Variants in CTDSPL observed in about 807,000 individuals in gnomAD.
The protein encoded by CTDSPL is CTD small phosphatase-like protein.
CTDSPL carries 8 observed loss-of-function variants against 30.5 expected under a neutral mutation model. The ratio of observed to expected loss-of-function variants is 0.26; its 90% CI spans 0.15 to 0.47. The LOEUF is 0.47. Ranked by LOEUF, CTDSPL falls within the 20% of genes least tolerant of loss-of-function variation. CTDSPL has a pLI of 0.99. For synonymous variants in CTDSPL, 110 were observed against 137.9 expected (o/e 0.80, Z 1.42); for missense variants, 248 against 366.1 (o/e 0.68, Z 2.63).
At chr3:37,867,210 A>G (rs1329678536) in intron 1 of CTDSPL, among the ~76,000 whole-genome samples, 2 of 152,178 alleles carry the variant, frequency 1.3e-5, no homozygotes, top group African/African-American at 4.8e-5. Context: ...GGAATCAAAC[A>G]GTATGTGATC....
intron 1 of CTDSPL, among the ~76,000 whole-genome samples, chr3:37,870,706 T>A (rs1038156123): frequency 1.3e-5 from 2 of 152,324 alleles, no homozygotes; most frequent in Admixed American, 6.5e-5. Flanking sequence ...GCTACAAGTT[T>A]CTCTCTCAAC....
chr3:37,900,862 A>G (rs184549556), intron 1 of CTDSPL, among the ~76,000 whole-genome samples: 3 of 152,170 alleles, frequency 2.0e-5, no homozygotes, highest in Non-Finnish European at 4.4e-5. Context: ...GCAGTGGCAC[A>G]ATCTCGGCTT....
chr3:37,883,358 G>A (rs1244800382), intron 1 of CTDSPL, among the ~76,000 whole-genome samples: 1 of 152,156 alleles, frequency 6.6e-6, no homozygotes, highest in Non-Finnish European at 1.5e-5. Flanking sequence ...TTTTTAACCT[G>A]GAGTCCACAG....
chr3:37,873,018 A>G (rs1408413315), intron 1 of CTDSPL, among the ~76,000 whole-genome samples: 1 of 152,098 alleles, frequency 6.6e-6, no homozygotes, highest in Non-Finnish European at 1.5e-5. Flanking sequence ...CACCACCTCA[A>G]TGGGAAGGGG....
intron 1 of CTDSPL, among the ~76,000 whole-genome samples, chr3:37,938,698 T>TG: frequency 6.7e-6 from 1 of 149,242 alleles, no homozygotes; most frequent in Non-Finnish European, 1.5e-5. Context: ...TTGTTTTTTT[T>TG]GAAATGGAGT....
intron 7 of CTDSPL, among the ~76,000 whole-genome samples, chr3:37,976,905 A>G (rs748597137): frequency 6.6e-6 from 1 of 152,110 alleles, no homozygotes; most frequent in Non-Finnish European, 1.5e-5. Context: ...TCTCTGCCAC[A>G]TCAGGCCCCT....
At chr3:37,880,784 G>A (rs1030840892) in intron 1 of CTDSPL, among the ~76,000 whole-genome samples, 1 of 152,156 alleles carries the variant, frequency 6.6e-6, no homozygotes, top group African/African-American at 2.4e-5. Flanking sequence ...TGCTAAGGAG[G>A]CTCTTAAAGA....
chr3:37,940,079 A>T (rs778646868), intron 1 of CTDSPL, among the ~76,000 whole-genome samples: 17 of 149,866 alleles, frequency 1.1e-4, no homozygotes, highest in Non-Finnish European at 1.9e-4. Flanking sequence ...GTGACAGAGC[A>T]AGACTCCGTC....
At chr3:37,903,501 C>T (rs1296505100) in intron 1 of CTDSPL, among the ~76,000 whole-genome samples, 1 of 152,152 alleles carries the variant, frequency 6.6e-6, no homozygotes, top group Non-Finnish European at 1.5e-5. Flanking sequence ...TGTTCATTGA[C>T]CAGGACCTGA....
In CTDSPL at chr3:37,980,890, G is replaced by T. The variant is rs774112951; in HGVS notation, c.*23G>T. 1.2e-6 allele frequency: 2 copies of T among 1,609,202 alleles called. No homozygotes were observed. Among genetic ancestry groups the T allele is most frequent in the Admixed American group, 3.3e-5 (2 of 59,724 alleles). On this transcript the variant is annotated 3_prime_UTR_variant, in exon 8 of 8. Transcript: ENST00000273179. ...TAGCCCTGGCCTCTGCCTGCCTCCC[G>T]CCTGTGCACTCTGGAACCTCTGGCC...
chr3:37,942,039 C>A (rs1698984896), intron 1 of CTDSPL, among the ~76,000 whole-genome samples: 1 of 150,286 alleles, frequency 6.7e-6, no homozygotes, highest in African/African-American at 2.4e-5. Context: ...AAGCATTGTT[C>A]TTTTCCTAAG....
chr3:37,946,924 TCTC>T (rs1233597081), intron 1 of CTDSPL, 130 bp from the exon 2 acceptor site: 6 of 870,300 alleles, frequency 6.9e-6, no homozygotes, highest in Non-Finnish European at 1.0e-5. Context: ...CCCCTCATCT[TCTC>T]CTGCTGAGCA....
intron 3 of CTDSPL, among the ~76,000 whole-genome samples, chr3:37,959,369 C>T (rs774452556): frequency 6.6e-6 from 1 of 152,196 alleles, no homozygotes; most frequent in Non-Finnish European, 1.5e-5. Context: ...TACACACGTA[C>T]GTGAAGTTGA....
At chr3:37,960,977 A>G (rs965468450) in intron 3 of CTDSPL, among the ~76,000 whole-genome samples, 4 of 152,044 alleles carry the variant, frequency 2.6e-5, no homozygotes, top group Admixed American at 2.6e-4. Context: ...AGGAAGTTTT[A>G]GTTTTATATA....
Position 37,980,780 on chromosome 3 carries a change from G to A in CTDSPL, c.744G>A (p.Thr248=), listed in dbSNP as rs766128791. Residue 248 remains threonine (T), a synonymous_variant, in exon 8 of 8, where the codon ACG becomes ACA. Coordinates refer to ENST00000273179, the MANE Select transcript of CTDSPL (RefSeq NM_001008392.2). ...CCTGGTTCGATGACATGACGGACAC[G>A]GAGCTGCTGGACCTCATCCCCTTCT... The part of the protein sequence containing the change: ...VQSWFDDMTD[T]ELLDLIPFFE... 1.2e-5 allele frequency: 20 copies of A among 1,614,082 alleles called. No homozygotes were observed. Among genetic ancestry groups the A allele is most frequent in the Admixed American group, 1.7e-5 (1 of 60,016 alleles).
At chr3:37,915,290 TTTTATTTTTA>T (rs1698633375) in intron 1 of CTDSPL, among the ~76,000 whole-genome samples, 1 of 152,166 alleles carries the variant, frequency 6.6e-6, no homozygotes, top group Non-Finnish European at 1.5e-5. Flanking sequence ...TTAGGTATAG[TTTTATTTTTA>T]TTTATCTATT....
At chr3:37,942,510 G>A (rs1698990065) in intron 1 of CTDSPL, among the ~76,000 whole-genome samples, 1 of 150,192 alleles carries the variant, frequency 6.7e-6, no homozygotes, top group African/African-American at 2.4e-5. Flanking sequence ...GGGCGTGGTG[G>A]CACATGCCTA....
At chr3:37,927,826 A>G (rs1698803211) in intron 1 of CTDSPL, among the ~76,000 whole-genome samples, 1 of 151,860 alleles carries the variant, frequency 6.6e-6, no homozygotes, top group African/African-American at 2.4e-5. Context: ...CTCTAGACTC[A>G]TTGAACAGTA....
At chr3:37,884,763 T>TA (rs561948600) in intron 1 of CTDSPL, among the ~76,000 whole-genome samples, 131 of 151,830 alleles carry the variant, frequency 8.6e-4, no homozygotes, top group Non-Finnish European at 1.4e-3. Context: ...TGATTGAAGA[T>TA]ATGGAGAAGT....
Sources: allele counts gnomAD v4.1 joint callset (sites outside exome capture counted in the v4.1 genomes callset), GRCh38; gene constraint gnomAD v4.1.1; transcripts MANE v1.5; gene names NCBI Gene and HGNC (gene_info 2026-07-23, HGNC 2026-07-21).